Variants in ZNF423 observed in about 807,000 individuals in gnomAD.
ZNF423 encodes zinc finger protein 423, also known as Ebf-associated zinc finger protein.
ZNF423 carries 12 observed loss-of-function variants against 95.8 expected under a neutral mutation model. The observed-to-expected ratio is 0.13, with a 90% CI of 0.08 to 0.20. The LOEUF is 0.20. ZNF423 is among the 10% of genes least tolerant of loss of function. ZNF423 has a pLI of 1.00. For synonymous variants in ZNF423, 749 were observed against 711.9 expected (o/e 1.05, Z -0.83); for missense variants, 1,316 against 1,737.1 (o/e 0.76, Z 4.31).
chr16:49,655,834 C>T (rs2151908977), intron 3 of ZNF423, among the ~76,000 whole-genome samples: 2 of 152,304 alleles, frequency 1.3e-5, no homozygotes, highest in Middle Eastern at 3.4e-3. Flanking sequence ...GCCCCTGAAC[C>T]CACACCACTG....
intron 1 of ZNF423, among the ~76,000 whole-genome samples, chr16:49,832,123 C>T (rs1033913477): frequency 1.3e-5 from 2 of 152,182 alleles, no homozygotes; most frequent in Non-Finnish European, 2.9e-5. Flanking sequence ...GCTGGGTCAT[C>T]TGGGGTGTGG....
chr16:49,760,324 T>TGGGGGGGGGGGGG (rs1567330779), intron 2 of ZNF423, among the ~76,000 whole-genome samples: 1 of 4,444 alleles, frequency 2.3e-4, no homozygotes, highest in Non-Finnish European at 4.7e-4. Context: ...GGTGGGTGGG[T>TGGGGGGGGGGGGG]GGGGTGGGTA....
chr16:49,652,756 T>C (rs1265261602), intron 3 of ZNF423, among the ~76,000 whole-genome samples: 2 of 152,220 alleles, frequency 1.3e-5, no homozygotes, highest in Admixed American at 6.5e-5. Context: ...TCGGCCGTGT[T>C]CGTGGACCTG....
intron 1 of ZNF423, among the ~76,000 whole-genome samples, chr16:49,844,753 A>G (rs925553081): frequency 5.3e-5 from 8 of 152,216 alleles, no homozygotes; most frequent in East Asian, 1.9e-4. Context: ...TTTAATAAAT[A>G]TTGGCGAGGC....
chr16:49,830,836 T>A (rs57331100), intron 1 of ZNF423, among the ~76,000 whole-genome samples: 1,636 of 152,182 alleles, frequency 0.011, 18 homozygotes, highest in African/African-American at 0.038. Context: ...CCTCCACACT[T>A]CTCATCCTAG....
chr16:49,824,322 C>T (rs1393309303), intron 1 of ZNF423, among the ~76,000 whole-genome samples: 1 of 152,110 alleles, frequency 6.6e-6, no homozygotes, highest in Non-Finnish European at 1.5e-5. Flanking sequence ...AGGTAGGGAC[C>T]CTGAGCCTCA....
At position 49,492,286 on chromosome 16, in the gene ZNF423, C is replaced by G. The variant is rs2151642395; in HGVS notation, c.3850-982G>C. On this transcript the variant is annotated intron_variant, in intron 7 of 7. Coordinates refer to ENST00000563137, the MANE Select transcript of ZNF423 (RefSeq NM_001379286.1). The surrounding 1 kb of genome is among the most constrained non-coding windows in gnomAD (Gnocchi z 4.2). ...CAACATCCACCAGGTGTAGGGTGGC[C>G]CTGTTTGGGGCCGCACAGGACCCTA... Among the ~76,000 whole-genome samples, 6 of 145,552 alleles carry G rather than the reference C, an allele frequency of 4.1e-5. No homozygotes were observed. The South Asian group carries it at 1.2e-3, about 30-fold the overall frequency.
At chr16:49,628,552 TC>T (rs1596743055) in intron 4 of ZNF423, among the ~76,000 whole-genome samples, 1 of 151,930 alleles carries the variant, frequency 6.6e-6, no homozygotes, top group Non-Finnish European at 1.5e-5. Flanking sequence ...CATCCATCCA[TC>T]CATCCATCCA....
At chr16:49,591,246 G>C (rs1045938796) in intron 5 of ZNF423, among the ~76,000 whole-genome samples, 10 of 152,010 alleles carry the variant, frequency 6.6e-5, no homozygotes, top group Non-Finnish European at 1.2e-4. Flanking sequence ...AAAATAGTAT[G>C]GGCATTATGA....
intron 5 of ZNF423, among the ~76,000 whole-genome samples, chr16:49,571,623 G>A (rs1010170970): frequency 6.6e-6 from 1 of 152,184 alleles, no homozygotes; most frequent in African/African-American, 2.4e-5. Flanking sequence ...GGGAGCGACT[G>A]AAGGCTCCAG....
At chr16:49,514,440 G>GT (rs1377543467) in intron 7 of ZNF423, among the ~76,000 whole-genome samples, 1 of 152,114 alleles carries the variant, frequency 6.6e-6, no homozygotes, top group Non-Finnish European at 1.5e-5. Flanking sequence ...GGTGCCGGGA[G>GT]TAGGTACTCA....
At chr16:49,796,292 C>T (rs539241580) in intron 1 of ZNF423, among the ~76,000 whole-genome samples, 19 of 152,208 alleles carry the variant, frequency 1.2e-4, no homozygotes, top group African/African-American at 4.6e-4. Flanking sequence ...CTCTGGATTT[C>T]AGATATCCAG....
chr16:49,823,184 A>G (rs186852425), intron 1 of ZNF423, among the ~76,000 whole-genome samples: 1 of 152,366 alleles, frequency 6.6e-6, no homozygotes, highest in African/African-American at 2.4e-5. Context: ...TGGAAACTCA[A>G]GCCATTATGC....
At chr16:49,823,374 A>G (rs895329534) in intron 1 of ZNF423, among the ~76,000 whole-genome samples, 2 of 152,192 alleles carry the variant, frequency 1.3e-5, no homozygotes. Flanking sequence ...ATCTTGTTTA[A>G]TCTTCACAGC....
At chr16:49,558,053 C>T (rs558130560) in intron 5 of ZNF423, among the ~76,000 whole-genome samples, 3 of 152,320 alleles carry the variant, frequency 2.0e-5, no homozygotes, top group East Asian at 3.9e-4. Flanking sequence ...TGTCATCCTG[C>T]AGTGCTGGAG....
At chr16:49,745,228 T>C (rs1332920149) in intron 2 of ZNF423, among the ~76,000 whole-genome samples, 1 of 152,250 alleles carries the variant, frequency 6.6e-6, no homozygotes, top group East Asian at 1.9e-4. Flanking sequence ...CATTAGCTTT[T>C]ATAATTTTTT....
At chr16:49,844,965 G>T (rs2035227350) in intron 1 of ZNF423, among the ~76,000 whole-genome samples, 1 of 141,854 alleles carries the variant, frequency 7.0e-6, no homozygotes, top group Non-Finnish European at 1.5e-5. Context: ...AACCCAGGAG[G>T]CAGAGGTTGC....
intron 3 of ZNF423, among the ~76,000 whole-genome samples, chr16:49,654,013 C>T (rs1973510231): frequency 6.6e-6 from 1 of 152,238 alleles, no homozygotes; most frequent in South Asian, 2.1e-4. Context: ...AAACTCTCAC[C>T]TGCATCCTAT....
chr16:49,824,915 T>C (rs1470943317), intron 1 of ZNF423, among the ~76,000 whole-genome samples: 1 of 152,120 alleles, frequency 6.6e-6, no homozygotes, highest in Admixed American at 6.5e-5. Context: ...AAGAAACTCG[T>C]GGGCTGGTTT....
Sources: gnomAD v4.1 joint callset for allele counts (sites outside exome capture counted in the v4.1 genomes callset) on GRCh38, gnomAD v4.1.1 for gene constraint, Gnocchi (gnomAD v3.1) non-coding constraint, MANE v1.5 for transcripts, NCBI Gene and HGNC (gene_info 2026-07-23, HGNC 2026-07-21) for gene names.